Variants in IRF2 observed in about 807,000 individuals in gnomAD.
The protein encoded by IRF2 is interferon regulatory factor 2.
In IRF2, 15 loss-of-function variants were observed where a neutral mutation model predicts 40.6. The observed-to-expected ratio is 0.37, with a 90% CI of 0.25 to 0.57. The LOEUF is 0.57. Ranked by LOEUF, IRF2 falls within the 20% of genes least tolerant of loss-of-function variation. The pLI is 0.77. For missense variants in IRF2, 317 were observed against 455.7 expected (o/e 0.70, Z 2.77); for synonymous variants, 151 against 165.5 (o/e 0.91, Z 0.67).
At chr4:184,400,746 T>C (rs1467425273) in intron 6 of IRF2, among the ~76,000 whole-genome samples, 1 of 152,220 alleles carries the variant, frequency 6.6e-6, no homozygotes, top group Non-Finnish European at 1.5e-5. Flanking sequence ...TGTTTATTTA[T>C]TTTGGCCATT....
intron 1 of IRF2, among the ~76,000 whole-genome samples, chr4:184,456,991 T>C (rs1483368289): frequency 6.6e-6 from 1 of 152,230 alleles, no homozygotes; most frequent in African/African-American, 2.4e-5. Context: ...TCACCCCAGC[T>C]GTGAGGGCCT....
intron 1 of IRF2, among the ~76,000 whole-genome samples, chr4:184,456,326 G>T (rs793808): frequency 6.6e-6 from 1 of 152,202 alleles, no homozygotes; most frequent in Admixed American, 6.5e-5. Flanking sequence ...TCTGAACTGG[G>T]CCTGGAAGCC....
intron 5 of IRF2, among the ~76,000 whole-genome samples, chr4:184,409,516 A>G (rs963732585): frequency 6.6e-6 from 1 of 152,140 alleles, no homozygotes; most frequent in African/African-American, 2.4e-5. Context: ...GGCCCAGAAT[A>G]TCCATCCCTA....
At chr4:184,472,609 T>C (rs932439220) in intron 1 of IRF2, 12 of 151,920 alleles carry the variant, frequency 7.9e-5, no homozygotes, top group African/African-American at 2.9e-4. Flanking sequence ...TTTCCTCATT[T>C]AGAACAACTG....
chr4:184,400,032 G>A (rs1273167262), intron 6 of IRF2, among the ~76,000 whole-genome samples: 2 of 152,090 alleles, frequency 1.3e-5, no homozygotes, highest in African/African-American at 2.4e-5. Flanking sequence ...ATCTTGTTCC[G>A]ATTTCCTCAG....
In IRF2 at chr4:184,414,507, T is replaced by C. The variant is rs1262298545; in HGVS notation, c.411+3660A>G. 2.6e-5 allele frequency among the ~76,000 whole-genome samples: 4 copies of C among 152,154 alleles called. No homozygotes were observed. The South Asian group carries it at 8.3e-4, about 31-fold the overall frequency. ...AGGCATGTACCACTGTACCCAGCTG[T>C]TTTTCTTGTTCTTATTTCCTTAGAT... On this transcript the variant is annotated intron_variant, in intron 5 of 8. Coordinates refer to ENST00000393593, the MANE Select transcript of IRF2 (RefSeq NM_002199.4).
rs1213504144 is a variant in IRF2 at position 184,428,968 on chromosome 4, A to G, written c.87+10T>C. ...CTCTCTCACACATACACCCACCCTGACCCACTCACCTTGTTAAGCCACTTG... is the reference window on the plus strand; with the variant it reads ...CTCTCTCACACATACACCCACCCTGGCCCACTCACCTTGTTAAGCCACTTG... On this transcript the variant is annotated intron_variant, in intron 2 of 8. Transcript: ENST00000393593. The G allele has an allele frequency of 6.2e-7, 1 of 1,611,928 alleles. No individual in the cohort carries two copies. Among genetic ancestry groups the G allele is most frequent in the Non-Finnish European group, 8.5e-7 (1 of 1,177,988 alleles).
intron 1 of IRF2, among the ~76,000 whole-genome samples, chr4:184,466,700 C>G (rs142380090): frequency 3.0e-3 from 454 of 152,308 alleles, no homozygotes; most frequent in African/African-American, 9.9e-3. Context: ...AATGCATCAA[C>G]ATCAGCACAC....
chr4:184,442,776 T>C (rs793790), intron 1 of IRF2, among the ~76,000 whole-genome samples: 29,429 of 151,060 alleles, frequency 0.19, 3,327 homozygotes, highest in Middle Eastern at 0.34. Context: ...ACAAAAACCC[T>C]GTGCCCCAAA....
intron 2 of IRF2, among the ~76,000 whole-genome samples, chr4:184,421,794 C>T (rs969404076): frequency 1.3e-5 from 2 of 152,196 alleles, no homozygotes; most frequent in Non-Finnish European, 2.9e-5. Flanking sequence ...ACTACAAAAG[C>T]GCTGACCAAA....
chr4:184,426,477 A>G (rs1737679026), intron 2 of IRF2, among the ~76,000 whole-genome samples: 1 of 151,974 alleles, frequency 6.6e-6, no homozygotes, highest in Admixed American at 6.6e-5. Flanking sequence ...GACACTCCTC[A>G]TTGGCATCAG....
intron 1 of IRF2, among the ~76,000 whole-genome samples, chr4:184,435,603 A>G (rs1386022946): frequency 1.3e-5 from 2 of 152,220 alleles, no homozygotes; most frequent in African/African-American, 4.8e-5. Flanking sequence ...AAACCCAGGA[A>G]GGTGAACCTG....
At chr4:184,427,090 C>G (rs1219104883) in intron 2 of IRF2, among the ~76,000 whole-genome samples, 1 of 152,174 alleles carries the variant, frequency 6.6e-6, no homozygotes, top group Admixed American at 6.5e-5. Context: ...TTACTCTGGT[C>G]CCCCCTTCCT....
At position 184,408,542 on chromosome 4, in the gene IRF2, T is replaced by C. The variant is rs1185436166; in HGVS notation, c.412-267A>G. ...CTTGCCTTTAGGAAATGCTTCCACC[T>C]GCAGACAATAGCTTTGGGGCTACGC... On this transcript the variant is annotated intron_variant, in intron 5 of 8. Coordinates refer to ENST00000393593, the MANE Select transcript of IRF2 (RefSeq NM_002199.4). This position sits in a 1 kb window ranked among gnomAD's most constrained non-coding sequence, Gnocchi z 4.9. Among the ~76,000 whole-genome samples, 1 of 152,226 alleles carries C rather than the reference T, an allele frequency of 6.6e-6. No individual in the cohort carries two copies. Among genetic ancestry groups the C allele is most frequent in the African/African-American group, 2.4e-5 (1 of 41,458 alleles).
At chr4:184,429,929 C>A (rs998807483) in intron 1 of IRF2, among the ~76,000 whole-genome samples, 27 of 152,196 alleles carry the variant, frequency 1.8e-4, no homozygotes, top group Admixed American at 6.5e-5. Flanking sequence ...TCCACACTGT[C>A]CCCCACTCAT....
At chr4:184,421,005 T>C (rs902388224) in intron 2 of IRF2, among the ~76,000 whole-genome samples, 5 of 152,218 alleles carry the variant, frequency 3.3e-5, no homozygotes, top group African/African-American at 1.2e-4. Context: ...CTGGATTCTG[T>C]GGAGATTAAA....
chr4:184,434,060 C>A (rs931990201), intron 1 of IRF2, among the ~76,000 whole-genome samples: 1 of 152,202 alleles, frequency 6.6e-6, no homozygotes, highest in African/African-American at 2.4e-5. Flanking sequence ...GATGCTTACT[C>A]GGTATGTATC....
At chr4:184,390,887 T>C (rs2149890090) in intron 7 of IRF2, 138 bp from the exon 8 acceptor site, 1 of 825,852 alleles carries the variant, frequency 1.2e-6, no homozygotes, top group Non-Finnish European at 2.0e-6. Flanking sequence ...ACATTCTACA[T>C]GGGAGAAGCT....
At chr4:184,449,923 G>GAT (rs1027168803) in intron 1 of IRF2, among the ~76,000 whole-genome samples, 37 of 152,288 alleles carry the variant, frequency 2.4e-4, no homozygotes, top group Admixed American at 1.2e-3. Flanking sequence ...ACCTGAAACA[G>GAT]ATATAAAGAG....
Sources: allele counts gnomAD v4.1 joint callset (sites outside exome capture counted in the v4.1 genomes callset), GRCh38; gene constraint gnomAD v4.1.1; non-coding constraint Gnocchi (gnomAD v3.1); transcripts MANE v1.5; gene names NCBI Gene and HGNC (gene_info 2026-07-23, HGNC 2026-07-21).